The following TRAPPC9 variants were observed in gnomAD, a reference collection of about 807,000 sequenced individuals.
TRAPPC9 encodes the protein trafficking protein particle complex subunit 9, also known as IKK2 binding protein.
TRAPPC9 carries 83 observed loss-of-function variants against 124.0 expected under a neutral mutation model. The ratio of observed to expected loss-of-function variants is 0.67; its 90% confidence interval spans 0.56 to 0.80. The LOEUF is 0.80. TRAPPC9 is among the 30% of genes least tolerant of loss of function. The pLI, the probability that TRAPPC9 is intolerant of heterozygous loss-of-function variation, is 0.00. For synonymous variants in TRAPPC9, 638 were observed against 617.5 expected, an observed-to-expected ratio of 1.03 and a Z score of -0.49; for missense variants, 1,302 against 1,508.3, an observed-to-expected ratio of 0.86 and a Z score of 2.27.
chr8:139,836,590 G>GA lies in TRAPPC9; in HGVS notation c.3055+49288dup, dbSNP rs1334906874. On this transcript the variant is annotated intron_variant, in intron 21 of 22. Coordinates refer to ENST00000438773, the MANE Select transcript of TRAPPC9 (RefSeq NM_001160372.4). ...CTGCCGCCACACGGGGCAACTGAGG[G>GA]AGACTGAAAACTCACACGATTCATC... Among the ~76,000 whole-genome samples, 4 of 152,346 alleles carry GA rather than the reference G, an allele frequency of 2.6e-5. No individual in the cohort carries two copies. The East Asian group carries it at 7.7e-4, about 29-fold the overall frequency.
At chr8:140,401,554 T>C (rs2069271277) in intron 6 of TRAPPC9, among the ~76,000 whole-genome samples, 2 of 152,344 alleles carry the variant, frequency 1.3e-5, no homozygotes, top group South Asian at 4.1e-4. Flanking sequence ...ATCACAAATT[T>C]TTCCCACATA....
intron 7 of TRAPPC9, among the ~76,000 whole-genome samples, chr8:140,387,428 T>G (rs1433339025): frequency 1.3e-5 from 2 of 151,876 alleles, no homozygotes; most frequent in Non-Finnish European, 2.9e-5. Flanking sequence ...ACCATCAGAG[T>G]GAACAGGCAA....
intron 17 of TRAPPC9, among the ~76,000 whole-genome samples, chr8:140,194,006 T>C (rs2062568214): frequency 6.6e-6 from 1 of 152,232 alleles, no homozygotes; most frequent in African/African-American, 2.4e-5. Flanking sequence ...CCAGCTCCAG[T>C]GCTTCCTTGG....
chr8:140,215,065 C>CT (rs1434102184), intron 17 of TRAPPC9, among the ~76,000 whole-genome samples: 4 of 152,310 alleles, frequency 2.6e-5, no homozygotes, highest in Admixed American at 2.6e-4. Flanking sequence ...AGCCACTTCA[C>CT]TTGCACAGCT....
intron 17 of TRAPPC9, among the ~76,000 whole-genome samples, chr8:140,093,511 A>T (rs757028927): frequency 5.3e-5 from 8 of 152,076 alleles, no homozygotes; most frequent in Non-Finnish European, 1.2e-4. Flanking sequence ...TACCAAAAAT[A>T]TAAAAAATTA....
intron 21 of TRAPPC9, among the ~76,000 whole-genome samples, chr8:139,880,145 G>A (rs1473842922): frequency 6.6e-6 from 1 of 152,182 alleles, no homozygotes; most frequent in East Asian, 1.9e-4. Context: ...ACCCCCACAT[G>A]GCTTCTTCGG....
At chr8:140,372,730 G>A (rs183609679) in intron 7 of TRAPPC9, among the ~76,000 whole-genome samples, 1 of 152,352 alleles carries the variant, frequency 6.6e-6, no homozygotes, top group East Asian at 1.9e-4. Flanking sequence ...CACCATGTGA[G>A]AACACAGAGA....
intron 21 of TRAPPC9, among the ~76,000 whole-genome samples, chr8:139,867,187 A>G (rs1049653741): frequency 1.3e-5 from 2 of 152,216 alleles, no homozygotes; most frequent in Non-Finnish European, 2.9e-5. Context: ...GAAATGAGTG[A>G]TATCAGGGCT....
chr8:139,765,703 A>G (rs1283856395), intron 21 of TRAPPC9, among the ~76,000 whole-genome samples: 1 of 152,126 alleles, frequency 6.6e-6, no homozygotes, highest in Admixed American at 6.6e-5. Flanking sequence ...TGGGGTACGG[A>G]GGTGAGGGTC....
chr8:140,309,615 T>C (rs1280256915), intron 10 of TRAPPC9, among the ~76,000 whole-genome samples: 1 of 152,258 alleles, frequency 6.6e-6, no homozygotes, highest in African/African-American at 2.4e-5. Flanking sequence ...TTAAAAATGA[T>C]TCAAGTCATG....
chr8:140,178,571 G>A (rs1454549053), intron 17 of TRAPPC9, among the ~76,000 whole-genome samples: 1 of 152,024 alleles, frequency 6.6e-6, no homozygotes, highest in African/African-American at 2.4e-5. Flanking sequence ...TGCTCAAGAT[G>A]GACATCGTTC....
At chr8:139,959,998 G>T (rs1458761699) in intron 19 of TRAPPC9, among the ~76,000 whole-genome samples, 1 of 152,220 alleles carries the variant, frequency 6.6e-6, no homozygotes, top group African/African-American at 2.4e-5. Flanking sequence ...CTCACAGACT[G>T]AGCACCTGTG....
chr8:139,764,664 C>T (rs528190222), intron 21 of TRAPPC9, among the ~76,000 whole-genome samples: 23 of 152,286 alleles, frequency 1.5e-4, no homozygotes, highest in Non-Finnish European at 2.9e-4. Context: ...AGGCTCCACA[C>T]TTAATGACCG....
intron 16 of TRAPPC9, among the ~76,000 whole-genome samples, chr8:140,224,155 C>T (rs1198167445): frequency 2.0e-5 from 3 of 152,176 alleles, no homozygotes; most frequent in East Asian, 3.8e-4. Context: ...AGCAAAGGTC[C>T]ACCTGATGTC....
intron 5 of TRAPPC9, among the ~76,000 whole-genome samples, chr8:140,412,972 G>A (rs1271749702): frequency 6.6e-6 from 1 of 152,054 alleles, no homozygotes; most frequent in Non-Finnish European, 1.5e-5. Context: ...GAAAGGAAAG[G>A]ACATAGGCCA....
At chr8:140,352,960 C>G (rs1348094853) in intron 9 of TRAPPC9, among the ~76,000 whole-genome samples, 1 of 152,180 alleles carries the variant, frequency 6.6e-6, no homozygotes, top group African/African-American at 2.4e-5. Flanking sequence ...CTAAGCACTT[C>G]TTGGCAGCAG....
chr8:139,923,352 G>A (rs1343811397), intron 19 of TRAPPC9, among the ~76,000 whole-genome samples: 3 of 152,192 alleles, frequency 2.0e-5, no homozygotes, highest in Admixed American at 6.5e-5. Context: ...GGGGGCTCAG[G>A]TGACATGTAA....
chr8:139,799,338 G>A (rs1323952960), intron 21 of TRAPPC9, among the ~76,000 whole-genome samples: 5 of 151,948 alleles, frequency 3.3e-5, no homozygotes, highest in Non-Finnish European at 5.9e-5. Flanking sequence ...AACCTTTTTT[G>A]CACTATCAGG....
At chr8:140,317,108 CT>C (rs1307166726) in intron 9 of TRAPPC9, among the ~76,000 whole-genome samples, 4 of 152,008 alleles carry the variant, frequency 2.6e-5, no homozygotes, top group Non-Finnish European at 1.5e-5. Context: ...GACATTTATT[CT>C]TTTTTTCATA....
Sources: gnomAD v4.1 joint callset for allele counts (sites outside exome capture counted in the v4.1 genomes callset) on GRCh38, gnomAD v4.1.1 for gene constraint, MANE v1.5 for transcripts, NCBI Gene and HGNC (gene_info 2026-07-23, HGNC 2026-07-21) for gene names.